SOX6: variants seen among roughly 807,000 people sequenced by gnomAD.
SOX6 encodes the protein transcription factor SOX-6.
Under a neutral mutation model 97.8 loss-of-function variants are expected in SOX6, and 11 were observed. That is an observed-to-expected ratio of 0.11 (90% CI 0.07 to 0.19). The LOEUF (loss-of-function observed/expected upper bound fraction) is 0.19. Ranked by LOEUF, SOX6 falls within the 10% of genes least tolerant of loss-of-function variation. SOX6 has a pLI of 1.00. For synonymous variants in SOX6, 360 were observed against 371.4 expected, an observed-to-expected ratio of 0.97 and a Z score of 0.35; for missense variants, 810 against 1,039.5, an observed-to-expected ratio of 0.78 and a Z score of 3.04.
Position 16,626,270 on chromosome 11 carries a change from T to C in SOX6, n.430-14010A>G, listed in dbSNP as rs543459700. 5.3e-5 allele frequency among the ~76,000 whole-genome samples: 8 copies of C among 152,316 alleles called. No homozygotes were observed. In the East Asian group the frequency reaches 1.2e-3, roughly 22 times the overall value. On this transcript the variant is annotated intron_variant and non_coding_transcript_variant, in intron 3 of 5. Coordinates refer to the SOX6 transcript ENST00000524520. ...TCCAACAGGCGAAGCTCATTTTTTT[T>C]CCCCATACAGATAGCCAGTTGTTCT...
intron 15 of SOX6, among the ~76,000 whole-genome samples, chr11:15,976,035 G>A (rs913710480): frequency 6.6e-6 from 1 of 152,132 alleles, no homozygotes; most frequent in African/African-American, 2.4e-5. Context: ...GATATATATG[G>A]CTGTTTTAAG....
chr11:16,415,711 T>C (rs896995283), intron 1 of SOX6, among the ~76,000 whole-genome samples: 34 of 152,130 alleles, frequency 2.2e-4, no homozygotes, highest in African/African-American at 7.2e-4. Context: ...TTAAAAATTA[T>C]ATGCACAAAG....
chr11:16,248,491 A>G (rs2134195375), intron 3 of SOX6, among the ~76,000 whole-genome samples: 1 of 152,316 alleles, frequency 6.6e-6, no homozygotes, highest in East Asian at 1.9e-4. Context: ...ATCTAGGCAA[A>G]GGTTCCAAAA....
intron 6 of SOX6, among the ~76,000 whole-genome samples, chr11:16,133,580 A>G (rs1370576092): frequency 6.6e-6 from 1 of 152,224 alleles, no homozygotes; most frequent in Non-Finnish European, 1.5e-5. Context: ...ACAAAAATAA[A>G]AGGGAGAGAC....
intron 3 of SOX6, among the ~76,000 whole-genome samples, chr11:16,293,083 G>A (rs1399003284): frequency 6.6e-6 from 1 of 152,092 alleles, no homozygotes; most frequent in Non-Finnish European, 1.5e-5. Flanking sequence ...ATATCTAACA[G>A]TAGATATGCT....
intron 3 of SOX6, among the ~76,000 whole-genome samples, chr11:16,688,900 CT>C (rs1323858739): frequency 6.6e-6 from 1 of 152,120 alleles, no homozygotes; most frequent in Non-Finnish European, 1.5e-5. Flanking sequence ...AGTTAAGTTA[CT>C]TGAAAACAGT....
chr11:16,403,864 A>T (rs907629262), intron 1 of SOX6, among the ~76,000 whole-genome samples: 1 of 151,742 alleles, frequency 6.6e-6, no homozygotes, highest in Non-Finnish European at 1.5e-5. Flanking sequence ...GAATTAAAAT[A>T]AAATTATTAT....
intron 4 of SOX6, among the ~76,000 whole-genome samples, chr11:16,486,316 T>G (rs1311589300): frequency 1.3e-5 from 2 of 152,184 alleles, no homozygotes; most frequent in South Asian, 4.1e-4. Flanking sequence ...TTCATAATCT[T>G]GTTCTCCTTT....
At chr11:16,488,485 T>G (rs1033654436) in intron 4 of SOX6, among the ~76,000 whole-genome samples, 1 of 152,168 alleles carries the variant, frequency 6.6e-6, no homozygotes, top group Admixed American at 6.5e-5. Flanking sequence ...TTTCCCTTTT[T>G]GCTTTTTCCC....
At chr11:16,347,204 C>T (rs907854981) in intron 1 of SOX6, among the ~76,000 whole-genome samples, 9 of 152,042 alleles carry the variant, frequency 5.9e-5, no homozygotes, top group Admixed American at 1.3e-4. Flanking sequence ...CTATGGAAAA[C>T]CTATAATTAT....
chr11:16,077,948 G>A (rs115699276), intron 9 of SOX6, among the ~76,000 whole-genome samples: 3,943 of 152,158 alleles, frequency 0.026, 172 homozygotes, highest in African/African-American at 0.09. Context: ...AAAAAAAAAG[G>A]TGGAGATGAA....
At chr11:16,391,418 C>T (rs1301448091) in intron 1 of SOX6, among the ~76,000 whole-genome samples, 1 of 152,174 alleles carries the variant, frequency 6.6e-6, no homozygotes, top group Non-Finnish European at 1.5e-5. Flanking sequence ...TCACATTATT[C>T]ATTAGTTTAT....
intron 4 of SOX6, among the ~76,000 whole-genome samples, chr11:16,583,430 C>A (rs915098483): frequency 2.6e-5 from 4 of 151,204 alleles, no homozygotes; most frequent in Admixed American, 1.3e-4. Flanking sequence ...CCTCTCCTAT[C>A]CCCTCTGCTC....
chr11:16,200,153 C>A (rs1455117), intron 4 of SOX6, among the ~76,000 whole-genome samples: 87,316 of 151,826 alleles, frequency 0.58, 25,865 homozygotes, highest in East Asian at 0.75. Flanking sequence ...AGATAAAAAA[C>A]AAGCCATTCT....
At chr11:16,306,488 T>C (rs1480989666) in intron 3 of SOX6, among the ~76,000 whole-genome samples, 1 of 152,142 alleles carries the variant, frequency 6.6e-6, no homozygotes. Context: ...TACAAAGTTA[T>C]TCTGGATAGG....
At chr11:16,678,595 C>G (rs1351457343) in intron 3 of SOX6, among the ~76,000 whole-genome samples, 1 of 152,192 alleles carries the variant, frequency 6.6e-6, no homozygotes, top group East Asian at 1.9e-4. Context: ...CTCATTGAGA[C>G]TGGTTGGACA....
At position 15,968,713 on chromosome 11, in the gene SOX6, G is replaced by T. The variant is rs1319088374; in HGVS notation, c.*4096C>A. On this transcript the variant is annotated 3_prime_UTR_variant, in exon 16 of 16. Transcript: ENST00000683767. ...AGGCTCCCGTGGGGCTAATGTTCAG[G>T]GGAGGCCAGAATTCGACAAGCTCAA... 6.6e-6 allele frequency: 1 copy of T among 152,214 alleles called. No homozygotes were observed. Among genetic ancestry groups the T allele is most frequent in the Non-Finnish European group, 1.5e-5 (1 of 68,082 alleles). 9.4% of individuals were successfully genotyped at this position (152,214 alleles called of 1,614,324 possible).
intron 4 of SOX6, among the ~76,000 whole-genome samples, chr11:16,538,689 A>C (rs1388447975): frequency 2.0e-5 from 3 of 152,236 alleles, no homozygotes; most frequent in Non-Finnish European, 4.4e-5. Flanking sequence ...TCTCTGATAA[A>C]ACAAACTTTA....
chr11:16,165,885 A>G (rs1018993498), intron 6 of SOX6, among the ~76,000 whole-genome samples: 1 of 150,962 alleles, frequency 6.6e-6, no homozygotes, highest in Non-Finnish European at 1.5e-5. Flanking sequence ...GCAACAGAGC[A>G]AGACTCTGTC....
Sources: gnomAD v4.1 joint callset for allele counts (sites outside exome capture counted in the v4.1 genomes callset) on GRCh38, gnomAD v4.1.1 for gene constraint, MANE v1.5 for transcripts, NCBI Gene and HGNC (gene_info 2026-07-23, HGNC 2026-07-21) for gene names.